PKD1: variants seen among roughly 807,000 people sequenced by gnomAD.
PKD1 encodes the protein polycystin-1.
In PKD1, 81 loss-of-function variants were observed where a neutral mutation model predicts 361.7. That is an observed-to-expected ratio of 0.22 (90% confidence interval 0.19 to 0.27). The LOEUF (loss-of-function observed/expected upper bound fraction) is 0.27. PKD1 is among the 10% of genes least tolerant of loss of function. The pLI is 1.00. For missense variants in PKD1, 6,399 were observed against 6,118.3 expected, an observed-to-expected ratio of 1.05 and a Z score of -1.53; for synonymous variants, 3,615 against 2,818.3, an observed-to-expected ratio of 1.28 and a Z score of -8.95.
In PKD1 at chr16:2,102,273, G is replaced by A. The variant is rs960576224; in HGVS notation, c.9202-17C>T. On this transcript the variant is annotated splice_polypyrimidine_tract_variant and intron_variant, in intron 25 of 45. Transcript: ENST00000262304. ...TGTCGGCTCCTGTGAGGACACAGCC[G>A]CCGGGCCCAGGAGGTCACGTGCAAG... 20 of 1,486,728 alleles carry A rather than the reference G, an allele frequency of 1.3e-5. No individual in the cohort carries two copies. The highest frequency in any genetic ancestry group is 2.9e-5 in the African/African-American group (2 of 69,902). The allele number at this position is 1,486,728 out of a possible 1,614,324, so 92.1% of individuals were successfully genotyped here.
intron 34 of PKD1, chr16:2,095,054 C>T (rs1406056326): frequency 6.6e-6 from 1 of 152,206 alleles, no homozygotes; most frequent in Non-Finnish European, 1.5e-5. Flanking sequence ...GCAGGAGGAT[C>T]ACTTGAGCTC....
rs770038793 is a variant in PKD1, at chr16:2,106,311, G to A, written c.7490-7C>T. 31 of 1,608,588 alleles carry A rather than the reference G, an allele frequency of 1.9e-5. No individual in the cohort carries two copies. The highest frequency in any genetic ancestry group is 9.4e-5 in the African/African-American group (7 of 74,822). ...TCCTCCGCGTCATGCCAGCCTGAGG[G>A]ACGGTCCCCACGGCATCACGGGAGG... On this transcript the variant is annotated splice_region_variant and splice_polypyrimidine_tract_variant and intron_variant, in intron 18 of 45. Transcript: ENST00000262304. This position sits in a 1 kb window ranked among gnomAD's most constrained non-coding sequence, Gnocchi z 6.5.
intron 1 of PKD1, chr16:2,119,951 C>T (rs375911198): frequency 1.7e-5 from 11 of 638,276 alleles, no homozygotes; most frequent in East Asian, 2.7e-5. Context: ...CTGGGGCACA[C>T]GCCGGTAACA....
chr16:2,105,796 C>T lies in PKD1; in HGVS notation c.7863+69G>A, dbSNP rs199936877. 2,446 of 1,499,186 alleles carry T rather than the reference C, an allele frequency of 1.6e-3. 30 individuals carry two copies. The highest frequency in any genetic ancestry group is 0.016 in the South Asian group (1,396 of 88,922). The allele number at this position is 1,499,186 out of a possible 1,614,324, so 92.9% of individuals were successfully genotyped here. ...GATGAGCCCTCTGCAAAGCTCCAGG[C>T]AGGGGTACAGGTCTTGGTCCCAAGC... On this transcript the variant is annotated intron_variant, in intron 20 of 45. Coordinates refer to ENST00000262304, the MANE Select transcript of PKD1 (RefSeq NM_001009944.3).
At chr16:2,122,788 G>A (rs867018994) in intron 1 of PKD1, among the ~76,000 whole-genome samples, 7 of 152,196 alleles carry the variant, frequency 4.6e-5, no homozygotes, top group African/African-American at 1.2e-4. Flanking sequence ...CCTAAGGGGC[G>A]AGAGGTGCTG....
Position 2,093,589 on chromosome 16 carries a change from G to T in PKD1, c.10971C>A (p.Ala3657=). The T allele has an allele frequency of 6.2e-7, 1 of 1,608,486 alleles. No individual in the cohort carries two copies. The highest frequency in any genetic ancestry group is 8.5e-7 in the Non-Finnish European group (1 of 1,177,798). ...RPPHGFALFL[A]KEEARKVKRL... The stretch of plus-strand genomic sequence containing the variant: ...TCTTGACCTTGCGGGCTTCTTCCTT[G>T]GCCAGGAAGAGTGCAAAGCCGTGGG... Residue 3657 remains alanine (A), a synonymous_variant, in exon 37 of 46, where the codon GCC becomes GCA. Transcript: ENST00000262304.
chr16:2,113,319 G>T, intron 11 of PKD1, 27 bp from the exon 12 acceptor site: 2 of 1,595,196 alleles, frequency 1.3e-6, no homozygotes, highest in Non-Finnish European at 1.7e-6. Flanking sequence ...GTCAGCCTGG[G>T]CTCTGTGGAG....
Position 2,117,621 on chromosome 16 carries a change from T to C in PKD1, c.1253A>G (p.His418Arg). ...CTTCTCCACCACCAGGCGGTAGCAG[T>C]GCCCGTTGCCAGGGAAGATCTCCGT... ...SDTEIFPGNGHCYRLVVEKAA... is the reference protein window; with the variant it reads ...SDTEIFPGNGRCYRLVVEKAA... The change falls in exon 6 of 46, where the codon CAC becomes CGC. Residue 418 changes from histidine (H) to arginine (R), a missense_variant. His to Arg is a conservative substitution (Grantham distance 29, BLOSUM62 0). Transcript: ENST00000262304. 10 of 1,610,600 alleles carry C rather than the reference T, an allele frequency of 6.2e-6. No individual in the cohort carries two copies. Among genetic ancestry groups the C allele is most frequent in the Non-Finnish European group, 8.5e-6 (10 of 1,179,680 alleles).
Position 2,110,251 on chromosome 16 carries a change from C to T in PKD1, c.4916G>A (p.Gly1639Asp). The change falls in exon 15 of 46, where the codon GGC becomes GAC. Residue 1639 changes from glycine (G) to aspartate (D), a missense_variant. Transcript: ENST00000262304. ...LQLIEGLQVV[G>D]GGRYFPTNHT... is the part of the protein sequence containing the mutation. ...GTTGGTGGGGAAGTAGCGGCCACCG[C>T]CCACCACCTGCAGCCCCTCTATGAG... 2 of 1,612,218 alleles carry T rather than the reference C, an allele frequency of 1.2e-6. No individual in the cohort carries two copies. The highest frequency in any genetic ancestry group is 1.7e-6 in the Non-Finnish European group (2 of 1,179,692).
chr16:2,105,955 G>A lies in PKD1; in HGVS notation c.7773C>T (p.Leu2591=), dbSNP rs1182880659. ...ATGLTVWLHG[L]TASVLPGLLR... is the part of the protein sequence containing the mutation. Reference sequence around the variant, plus strand: ...GCAGCCCTGGGAGCACACTAGCGGTGAGCCCGTGCAGCCAGACTGTGAGCC... The same window carrying A: ...GCAGCCCTGGGAGCACACTAGCGGTAAGCCCGTGCAGCCAGACTGTGAGCC... The change falls in exon 20 of 46, where the codon CTC becomes CTT. Residue 2591 remains leucine (L), a synonymous_variant. Coordinates refer to ENST00000262304, the MANE Select transcript of PKD1 (RefSeq NM_001009944.3). 3.8e-6 allele frequency: 6 copies of A among 1,599,624 alleles called. No individual in the cohort carries two copies. In the East Asian group the frequency reaches 8.9e-5, roughly 24 times the overall value.
Position 2,117,798 on chromosome 16 carries a change from C to T in PKD1, c.1194G>A (p.Pro398=), listed in dbSNP as rs1482420402. 2.5e-5 allele frequency: 29 copies of T among 1,145,366 alleles called. No individual in the cohort carries two copies. The highest frequency in any genetic ancestry group is 6.6e-5 in the South Asian group (5 of 76,276). The allele number at this position is 1,145,366 out of a possible 1,614,324, so 71.0% of individuals were successfully genotyped here. Residue 398 remains proline, a synonymous_variant, in exon 5 of 46, where the codon CCG becomes CCA. Coordinates refer to ENST00000262304, the MANE Select transcript of PKD1 (RefSeq NM_001009944.3). ...TGGGCAGCAGACACTCACCTCGGGC[C>T]GGCTCCTCGCCCAGGGCCACGATGC... ...AYSIVALGEE[P]ARAVHPLCPS...
At position 2,094,004 on chromosome 16, in the gene PKD1, T is replaced by A; in HGVS notation, c.10628A>T (p.Glu3543Val). The A allele has an allele frequency of 6.3e-7, 1 of 1,589,076 alleles. No homozygotes were observed. Among genetic ancestry groups the A allele is most frequent in the Non-Finnish European group, 8.6e-7 (1 of 1,169,430 alleles). The change falls in exon 36 of 46, where the codon GAG (glutamate) becomes GTG (valine). Residue 3543 changes from glutamate to valine, a missense_variant. Coordinates refer to ENST00000262304, the MANE Select transcript of PKD1 (RefSeq NM_001009944.3). ...AARLSRTGLV[E>V]GLRKRLLPAW... ...CGGCAGCAGGCGCTTCCGCAGACCCTCCACCAGTCCTGGGGAAGCAGAGAC... is the reference window on the plus strand; with the variant it reads ...CGGCAGCAGGCGCTTCCGCAGACCCACCACCAGTCCTGGGGAAGCAGAGAC...
At position 2,102,127 on chromosome 16, in the gene PKD1, A is replaced by T. The variant is rs767845814; in HGVS notation, c.9331T>A (p.Phe3111Ile). 1 of 1,569,746 alleles carries T rather than the reference A, an allele frequency of 6.4e-7. No homozygotes were observed. The highest frequency in any genetic ancestry group is 2.2e-5 in the East Asian group (1 of 44,856). Residue 3111 changes from phenylalanine to isoleucine, a missense_variant, in exon 26 of 46, where the codon TTC becomes ATC. Coordinates refer to ENST00000262304, the MANE Select transcript of PKD1 (RefSeq NM_001009944.3). ...TTGAAGCGGCCCCGCTGCCCACAGA[A>T]AGGGATGGCGCGGCCCCGGCTGGCA... is the stretch of plus-strand genomic sequence containing the variant. ...LDASRGRAIP[F>I]CGQRGRFKYE...
chr16:2,114,341 G>A lies in PKD1; in HGVS notation c.2682C>T (p.Phe894=), dbSNP rs2092593331. 1 of 1,610,338 alleles carries A rather than the reference G, an allele frequency of 6.2e-7. No homozygotes were observed. The change falls in exon 11 of 46, where the codon TTC becomes TTT. Residue 894 remains phenylalanine, a synonymous_variant. Transcript: ENST00000262304. ...GCPWETNDTL[F]SVVALPWLSE... is the part of the protein sequence containing the mutation. Reference sequence around the variant, plus strand: ...TGAGCCACGGCAGTGCTACCACTGAGAACAGGGTATCGTTGGTCTCCCAGG... The same window carrying A: ...TGAGCCACGGCAGTGCTACCACTGAAAACAGGGTATCGTTGGTCTCCCAGG...
chr16:2,094,087 C>G lies in PKD1; in HGVS notation c.10618+5G>C. 1 of 1,590,108 alleles carries G rather than the reference C, an allele frequency of 6.3e-7. No homozygotes were observed. ...TAGGGGCATCCCGGGGCTACGCAAGCACACCTGTCCTGGACAGCCTCGCTG... is the reference window on the plus strand; with the variant it reads ...TAGGGGCATCCCGGGGCTACGCAAGGACACCTGTCCTGGACAGCCTCGCTG... On this transcript the variant is annotated splice_donor_5th_base_variant and intron_variant, in intron 35 of 45. Coordinates refer to ENST00000262304, the MANE Select transcript of PKD1 (RefSeq NM_001009944.3).
In PKD1 at chr16:2,103,511, G is replaced by A. The variant is rs749216910; in HGVS notation, c.8546C>T (p.Ala2849Val). Residue 2849 changes from alanine (A) to valine (V), a missense_variant, in exon 23 of 46, where the codon GCC (alanine) becomes GTC (valine). Ala to Val is a moderately conservative substitution (Grantham distance 64, BLOSUM62 0). Transcript: ENST00000262304. The stretch of plus-strand genomic sequence containing the variant: ...GGCCTGTGTCTGGAATGCCATCGAG[G>A]CCACCTTGGTGGAGACGGTGTAGTT... ...ISNYTVSTKV[A>V]SMAFQTQAGA... 1.4e-5 allele frequency: 22 copies of A among 1,605,654 alleles called. No homozygotes were observed. The highest frequency in any genetic ancestry group is 1.3e-4 in the South Asian group (12 of 90,994).
Position 2,089,316 on chromosome 16 carries a change from T to TA in PKD1, c.*410dup, listed in dbSNP as rs2091334036. On this transcript the variant is annotated 3_prime_UTR_variant, in exon 46 of 46. Transcript: ENST00000262304. ...ACACACAGTGAGACGGTGCAGGGAG[T>TA]ACGGTAGGAACTGGAGAGGTAATAA... 3.7e-6 allele frequency: 1 copy of TA among 271,350 alleles called. No individual in the cohort carries two copies. The highest frequency in any genetic ancestry group is 2.2e-5 in the African/African-American group (1 of 45,390). The allele number at this position is 271,350 out of a possible 1,614,324, so 16.8% of individuals were successfully genotyped here. A position where few individuals can be genotyped will look rare whatever the true frequency, so the allele number is the denominator to read the frequency against.
At chr16:2,098,422 C>T (rs981610164) in intron 30 of PKD1, among the ~76,000 whole-genome samples, 7 of 150,194 alleles carry the variant, frequency 4.7e-5, no homozygotes, top group Non-Finnish European at 8.9e-5. Flanking sequence ...GTTGGCCAGG[C>T]TGGTCTTGGA....
At position 2,133,624 on chromosome 16, in the gene PKD1, C is replaced by T. The variant is rs191871659; in HGVS notation, c.215+1851G>A. Among the ~76,000 whole-genome samples the T allele has an allele frequency of 4.6e-5, 7 of 152,268 alleles. No homozygotes were observed. The East Asian group carries it at 1.4e-3, about 29-fold the overall frequency. ...GGTGGCCTGGGGGGCCAGCCAGGGC[C>T]TTCACATCCTTCCTAAGGCCCTAGT... On this transcript the variant is annotated intron_variant, in intron 1 of 45. Transcript: ENST00000262304.
Sources: gnomAD v4.1 joint callset for allele counts (sites outside exome capture counted in the v4.1 genomes callset) on GRCh38, gnomAD v4.1.1 for gene constraint, Gnocchi (gnomAD v3.1) non-coding constraint, MANE v1.5 for transcripts, NCBI Gene and HGNC (gene_info 2026-07-23, HGNC 2026-07-21) for gene names.